CELSR3: variants seen among roughly 807,000 people sequenced by gnomAD.
The protein encoded by CELSR3 is cadherin EGF LAG seven-pass G-type receptor 3.
In CELSR3, 73 loss-of-function variants were observed where a neutral mutation model predicts 270.0. The ratio of observed to expected loss-of-function variants is 0.27; its 90% confidence interval spans 0.22 to 0.33. CELSR3 has a LOEUF of 0.33. CELSR3 is among the 10% of genes least tolerant of loss of function. CELSR3 has a pLI of 1.00. For missense variants in CELSR3, 3,614 were observed against 4,533.8 expected (o/e 0.80, Z 5.83); for synonymous variants, 1,780 against 1,905.4 (o/e 0.93, Z 1.71).
At position 48,661,945 on chromosome 3, in the gene CELSR3, G is replaced by A. The variant is rs1453645779; in HGVS notation, c.690C>T (p.Pro230=). The A allele has an allele frequency of 6.2e-7, 1 of 1,613,638 alleles. No individual in the cohort carries two copies. Among genetic ancestry groups the A allele is most frequent in the Admixed American group, 1.7e-5 (1 of 60,028 alleles). Reference sequence around the variant, plus strand: ...AGGCCCCTGGAAGACAGTTCCGCCGGGGGGCTGTCCTTTCTGCTCCGGATG... The same window carrying A: ...AGGCCCCTGGAAGACAGTTCCGCCGAGGGGCTGTCCTTTCTGCTCCGGATG... ...ATTSGAERTA[P]RRNCLPGASG... The change falls in exon 1 of 35, where the codon CCC becomes CCT. Residue 230 remains proline, a synonymous_variant. Coordinates refer to ENST00000164024, the MANE Select transcript of CELSR3 (RefSeq NM_001407.3).
At position 48,650,185 on chromosome 3, in the gene CELSR3, G is replaced by T. The variant is rs1436032097; in HGVS notation, c.6472+295C>A. 5 of 536,432 alleles carry T rather than the reference G, an allele frequency of 9.3e-6. No individual in the cohort carries two copies. The allele number at this position is 536,432 out of a possible 1,614,324, so 33.2% of individuals were successfully genotyped here. ...CAGGGACTTTAGGCAGCAGGGAGGG[G>T]TCTGCAGGGACCTCAGGCAGCAGGA... is the stretch of plus-strand genomic sequence containing the variant. On this transcript the variant is annotated intron_variant, in intron 16 of 34. Transcript: ENST00000164024. This position sits in a 1 kb window ranked among gnomAD's most constrained non-coding sequence, Gnocchi z 5.1.
Position 48,660,419 on chromosome 3 carries a change from G to A in CELSR3, c.2216C>T (p.Ser739Leu), listed in dbSNP as rs765652400. 6 of 1,614,144 alleles carry A rather than the reference G, an allele frequency of 3.7e-6. No homozygotes were observed. The Admixed American group carries it at 1.0e-4, about 27-fold the overall frequency. Residue 739 changes from serine (S) to leucine (L), a missense_variant, in exon 1 of 35, where the codon TCA becomes TTA. Around this residue, in one of 7 missense-constraint regions of CELSR3, gnomAD observed 215 missense variants for 241.2 expected, o/e 0.89. Coordinates refer to ENST00000164024, the MANE Select transcript of CELSR3 (RefSeq NM_001407.3). The surrounding 1 kb of genome is among the most constrained non-coding windows in gnomAD (Gnocchi z 5.5). ...RDHGSPPLSA[S>L]ASVTVTVLDV... The stretch of plus-strand genomic sequence containing the variant: ...CAGCACAGTCACGGTGACACTGGCT[G>A]AGGCAGAGAGTGGGGGTGAGCCATG...
chr3:48,649,279 AG>A, intron 16 of CELSR3, 64 bp from the exon 17 acceptor site: 1 of 1,286,838 alleles, frequency 7.8e-7, no homozygotes, highest in Non-Finnish European at 1.1e-6. Flanking sequence ...AGATAACCGC[AG>A]CACCCTCTCC....
rs1035818221 is a variant in CELSR3, at chr3:48,642,627, T to C, written c.8555+109A>G. On this transcript the variant is annotated intron_variant, in intron 30 of 34. Transcript: ENST00000164024. This position sits in a 1 kb window ranked among gnomAD's most constrained non-coding sequence, Gnocchi z 6.1. ...GCAGAGGCAGAAGCAGGGCCCCAGA[T>C]GGCCAAGATGGGTGGAGCCACCCGC... The C allele has an allele frequency of 4.0e-6, 6 of 1,490,412 alleles. No homozygotes were observed. Among genetic ancestry groups the C allele is most frequent in the Middle Eastern group, 2.3e-4 (1 of 4,302 alleles). The allele number at this position is 1,490,412 out of a possible 1,614,324, so 92.3% of individuals were successfully genotyped here. A position where few individuals can be genotyped will look rare whatever the true frequency, so the allele number is the denominator to read the frequency against.
At position 48,643,676 on chromosome 3, in the gene CELSR3, T is replaced by G. The variant is rs2047051077; in HGVS notation, c.8167A>C (p.Thr2723Pro). The G allele has an allele frequency of 6.4e-7, 1 of 1,551,632 alleles. No homozygotes were observed. ...QREAKKTSAL[T>P]LRSSFLLLLL... ...AGCAGCAGGAAGGAGCTGCGAAGGG[T>G]CCTGCTGTGGGGACATGGGAAGACA... The change falls in exon 28 of 35, where the codon ACC becomes CCC. Residue 2723 changes from threonine (T) to proline (P), a missense_variant and splice_region_variant. Coordinates refer to ENST00000164024, the MANE Select transcript of CELSR3 (RefSeq NM_001407.3).
In CELSR3 at chr3:48,662,309, A is replaced by G; in HGVS notation, c.326T>C (p.Leu109Pro). 6.2e-7 allele frequency: 1 copy of G among 1,612,960 alleles called. No homozygotes were observed. The highest frequency in any genetic ancestry group is 8.5e-7 in the Non-Finnish European group (1 of 1,180,002). ...RGPPEQPNEE[L>P]GIEHGVQPLG... ...TGGCTGGACGCCGTGTTCAATCCCC[A>G]GCTCCTCATTCGGCTGCTCAGGGGG... The change falls in exon 1 of 35, where the codon CTG becomes CCG. Residue 109 changes from leucine to proline, a missense_variant. By Grantham distance (98) the Leu-to-Pro change is moderately conservative. Transcript: ENST00000164024. The surrounding 1 kb of genome is among the most constrained non-coding windows in gnomAD (Gnocchi z 7.1).
In CELSR3 at chr3:48,643,075, C is replaced by T. The variant is rs751722606; in HGVS notation, c.8298G>A (p.Ala2766=). ...TTAGGACACAGAAGAGCAGCAGCAC[C>T]GCCAGGCCCTGTGGGTCAGCGAGGG... ...HAGLCGLQGL[A]VLLLFCVLNA... Residue 2766 remains alanine (A), a synonymous_variant, in exon 29 of 35, where the codon GCG becomes GCA. Transcript: ENST00000164024. The T allele has an allele frequency of 3.2e-5, 52 of 1,610,536 alleles. No individual in the cohort carries two copies. The highest frequency in any genetic ancestry group is 2.0e-4 in the East Asian group (9 of 44,874).
Position 48,642,303 on chromosome 3 carries a change from G to A in CELSR3, c.8665+55C>T. On this transcript the variant is annotated intron_variant, in intron 31 of 34. Transcript: ENST00000164024. The surrounding 1 kb of genome is among the most constrained non-coding windows in gnomAD (Gnocchi z 6.1). ...CTCCCAGTATGGGGTAGAAGAAAAG[G>A]GGATGGGGAGAGATCCTCTGCCTCC... is the stretch of plus-strand genomic sequence containing the variant. 1 of 1,559,288 alleles carries A rather than the reference G, an allele frequency of 6.4e-7. No homozygotes were observed. The highest frequency in any genetic ancestry group is 8.7e-7 in the Non-Finnish European group (1 of 1,144,900).
Position 48,655,628 on chromosome 3 carries a change from G to T in CELSR3, c.4741+108C>A. 1 of 1,015,236 alleles carries T rather than the reference G, an allele frequency of 9.8e-7. No homozygotes were observed. The highest frequency in any genetic ancestry group is 1.5e-6 in the Non-Finnish European group (1 of 645,972). 62.9% of individuals were successfully genotyped at this position (1,015,236 alleles called of 1,614,324 possible). A position where few individuals can be genotyped will look rare whatever the true frequency, so the allele number is the denominator to read the frequency against. On this transcript the variant is annotated intron_variant, in intron 4 of 34. Coordinates refer to ENST00000164024, the MANE Select transcript of CELSR3 (RefSeq NM_001407.3). The surrounding 1 kb of genome is among the most constrained non-coding windows in gnomAD (Gnocchi z 5.8). ...GGAGCTAGGTCTTCAGGGCTTGCAT[G>T]GCGTGGAGTGTGTGCTCAGGTGCAC... is the stretch of plus-strand genomic sequence containing the variant.
At position 48,652,603 on chromosome 3, in the gene CELSR3, C is replaced by T. The variant is rs1553626407; in HGVS notation, c.5635-50G>A. On this transcript the variant is annotated intron_variant, in intron 10 of 34. Coordinates refer to ENST00000164024, the MANE Select transcript of CELSR3 (RefSeq NM_001407.3). The surrounding 1 kb of genome is among the most constrained non-coding windows in gnomAD (Gnocchi z 4.3). ...CTGAGGGAGAGGGGCCTGATGAACC[C>T]CTGTCATAGCCCAGAGTCAGTCTTG... 8 of 1,398,700 alleles carry T rather than the reference C, an allele frequency of 5.7e-6. No homozygotes were observed. Among genetic ancestry groups the T allele is most frequent in the Middle Eastern group, 1.8e-4 (1 of 5,468 alleles). The allele number at this position is 1,398,700 out of a possible 1,614,324, so 86.6% of individuals were successfully genotyped here.
chr3:48,656,129 C>T lies in CELSR3; in HGVS notation c.4625+11G>A, dbSNP rs1379280058. 10 of 1,532,124 alleles carry T rather than the reference C, an allele frequency of 6.5e-6. No individual in the cohort carries two copies. Among genetic ancestry groups the T allele is most frequent in the Non-Finnish European group, 7.9e-6 (9 of 1,144,900 alleles). The allele number at this position is 1,532,124 out of a possible 1,614,324, so 94.9% of individuals were successfully genotyped here. A position where few individuals can be genotyped will look rare whatever the true frequency, so the allele number is the denominator to read the frequency against. The stretch of plus-strand genomic sequence containing the variant: ...GGCGGGGAGGCGCTCAGACACGGGG[C>T]GGGCACCTACGAGAGGGACAGCGTA... On this transcript the variant is annotated intron_variant, in intron 3 of 34. Transcript: ENST00000164024.
chr3:48,654,547 G>A lies in CELSR3; in HGVS notation c.4989-95C>T, dbSNP rs1458495949. On this transcript the variant is annotated intron_variant, in intron 6 of 34. Coordinates refer to ENST00000164024, the MANE Select transcript of CELSR3 (RefSeq NM_001407.3). The surrounding 1 kb of genome is among the most constrained non-coding windows in gnomAD (Gnocchi z 5.4). ...GAAGCAGGGGGGTAGGACCCAGAGGGTAGGGTGATTGAGGGAGGAAAATAA... is the reference window on the plus strand; with the variant it reads ...GAAGCAGGGGGGTAGGACCCAGAGGATAGGGTGATTGAGGGAGGAAAATAA... 12 of 1,087,466 alleles carry A rather than the reference G, an allele frequency of 1.1e-5. No homozygotes were observed. The highest frequency in any genetic ancestry group is 5.0e-5 in the East Asian group (2 of 39,762). 67.4% of individuals were successfully genotyped at this position (1,087,466 alleles called of 1,614,324 possible). A position where few individuals can be genotyped will look rare whatever the true frequency, so the allele number is the denominator to read the frequency against.
rs111659820 is a variant in CELSR3 at position 48,645,527 on chromosome 3, C to A, written c.7713G>T (p.Val2571=). 46 of 1,612,792 alleles carry A rather than the reference C, an allele frequency of 2.9e-5. No individual in the cohort carries two copies. In the African/African-American group the frequency reaches 2.9e-4, roughly 10 times the overall value. The change falls in exon 24 of 35, where the codon GTG becomes GTT. Residue 2571 remains valine, a synonymous_variant. Coordinates refer to ENST00000164024, the MANE Select transcript of CELSR3 (RefSeq NM_001407.3). The surrounding 1 kb of genome is among the most constrained non-coding windows in gnomAD (Gnocchi z 5.4). ...LLSLRSLKSN[V]RGIHANVAAA... Reference sequence around the variant, plus strand: ...CTGCCACATTGGCATGGATCCCACGCACATTGGACTTGAGGCTGCGCAGGC... The same window carrying A: ...CTGCCACATTGGCATGGATCCCACGAACATTGGACTTGAGGCTGCGCAGGC...
At position 48,654,162 on chromosome 3, in the gene CELSR3, A is replaced by T. The variant is rs2047160884; in HGVS notation, c.5152+127T>A. 6.7e-7 allele frequency: 1 copy of T among 1,501,444 alleles called. No individual in the cohort carries two copies. Among genetic ancestry groups the T allele is most frequent in the Non-Finnish European group, 9.0e-7 (1 of 1,110,096 alleles). 93.0% of individuals were successfully genotyped at this position (1,501,444 alleles called of 1,614,324 possible). A position where few individuals can be genotyped will look rare whatever the true frequency, so the allele number is the denominator to read the frequency against. ...GGGGTTGGTAAGAGTCAGGCCCTAAAATCTGGGCTGTAGCATGGTGCTTGC... is the reference window on the plus strand; with the variant it reads ...GGGGTTGGTAAGAGTCAGGCCCTAATATCTGGGCTGTAGCATGGTGCTTGC... On this transcript the variant is annotated intron_variant, in intron 7 of 34. Coordinates refer to ENST00000164024, the MANE Select transcript of CELSR3 (RefSeq NM_001407.3). The surrounding 1 kb of genome is among the most constrained non-coding windows in gnomAD (Gnocchi z 5.4).
In CELSR3 at chr3:48,644,130, A is replaced by T. The variant is rs1183477505; in HGVS notation, c.8165+86T>A. 5 of 1,118,596 alleles carry T rather than the reference A, an allele frequency of 4.5e-6. No homozygotes were observed. In the African/African-American group the frequency reaches 6.2e-5, roughly 14 times the overall value. 69.3% of individuals were successfully genotyped at this position (1,118,596 alleles called of 1,614,324 possible). A position where few individuals can be genotyped will look rare whatever the true frequency, so the allele number is the denominator to read the frequency against. ...ATCTAGAACTTGGAGCCCAACCTGC[A>T]CCAGGGAAGATCTGGGGGCCCCAGA... On this transcript the variant is annotated intron_variant, in intron 27 of 34. Coordinates refer to ENST00000164024, the MANE Select transcript of CELSR3 (RefSeq NM_001407.3). The surrounding 1 kb of genome is among the most constrained non-coding windows in gnomAD (Gnocchi z 4.8).
Position 48,657,373 on chromosome 3 carries a change from G to A in CELSR3, c.3749-25C>T, listed in dbSNP as rs1413571424. On this transcript the variant is annotated intron_variant, in intron 1 of 34. Coordinates refer to ENST00000164024, the MANE Select transcript of CELSR3 (RefSeq NM_001407.3). The surrounding 1 kb of genome is among the most constrained non-coding windows in gnomAD (Gnocchi z 5.4). Reference sequence around the variant, plus strand: ...TCTGCAGGCGGGGGCAGGGGCAGTGGTCATCCTGGGGACAGTGGCCACCCC... The same window carrying A: ...TCTGCAGGCGGGGGCAGGGGCAGTGATCATCCTGGGGACAGTGGCCACCCC... The A allele has an allele frequency of 6.5e-7, 1 of 1,548,366 alleles. No individual in the cohort carries two copies. Among genetic ancestry groups the A allele is most frequent in the Admixed American group, 1.9e-5 (1 of 53,776 alleles).
chr3:48,651,925 C>T lies in CELSR3; in HGVS notation c.5875G>A (p.Ala1959Thr), dbSNP rs139837673. The part of the protein sequence containing the change: ...ACASGPCPPH[A>T]DCRDLWQTFS... The stretch of plus-strand genomic sequence containing the variant: ...GTCTGCCAGAGGTCCCGGCAGTCTG[C>T]GTGAGGTGGGCAGGGCCCAGAGGCA... Residue 1959 changes from alanine (A) to threonine (T), a missense_variant, in exon 12 of 35, where the codon GCA becomes ACA. Ala to Thr is a moderately conservative substitution (Grantham distance 58). This residue lies in a region of CELSR3 where 1,331 missense variants were observed against 1,933.7 expected (regional missense o/e 0.69). Transcript: ENST00000164024. This position sits in a 1 kb window ranked among gnomAD's most constrained non-coding sequence, Gnocchi z 7.4. 6.3e-5 allele frequency: 101 copies of T among 1,612,118 alleles called. No individual in the cohort carries two copies. The highest frequency in any genetic ancestry group is 7.8e-5 in the Non-Finnish European group (92 of 1,179,492).
At position 48,645,911 on chromosome 3, in the gene CELSR3, A is replaced by G. The variant is rs760340026; in HGVS notation, c.7464-43T>C. On this transcript the variant is annotated intron_variant, in intron 22 of 34. Coordinates refer to ENST00000164024, the MANE Select transcript of CELSR3 (RefSeq NM_001407.3). This position sits in a 1 kb window ranked among gnomAD's most constrained non-coding sequence, Gnocchi z 5.4. Reference sequence around the variant, plus strand: ...TTAGACACAACTGTGACCCAGTGTCAGGCAGGGGTTTGTGAGAGATCATGG... The same window carrying G: ...TTAGACACAACTGTGACCCAGTGTCGGGCAGGGGTTTGTGAGAGATCATGG... 1.9e-6 allele frequency: 3 copies of G among 1,581,102 alleles called. No individual in the cohort carries two copies. In the Admixed American group the frequency reaches 5.1e-5, roughly 27 times the overall value.
Position 48,639,817 on chromosome 3 carries a change from C to G in CELSR3, c.9768G>C (p.Ser3256=), listed in dbSNP as rs576543149. 1.9e-6 allele frequency: 3 copies of G among 1,613,702 alleles called. No individual in the cohort carries two copies. In the African/African-American group the frequency reaches 4.0e-5, roughly 22 times the overall value. The part of the protein sequence containing the change: ...LSSILASFNS[S]ALSSVQSSST... The stretch of plus-strand genomic sequence containing the variant: ...TTGAAGATTGCACAGAGGAGAGGGC[C>G]GAGGAGTTGAAAGAGGCAAGGATGG... Residue 3256 remains serine (S), a synonymous_variant, in exon 34 of 35, where the codon TCG becomes TCC. Transcript: ENST00000164024. This position sits in a 1 kb window ranked among gnomAD's most constrained non-coding sequence, Gnocchi z 4.1.
Sources: gnomAD v4.1 joint callset for allele counts on GRCh38, gnomAD v4.1.1 for gene constraint, gnomAD v4.1.1 regional missense constraint, Gnocchi (gnomAD v3.1) non-coding constraint, MANE v1.5 for transcripts, NCBI Gene and HGNC (gene_info 2026-07-23, HGNC 2026-07-21) for gene names.